NR2C1: variants seen among roughly 807,000 people sequenced by gnomAD.
NR2C1 encodes TR2 nuclear hormone receptor.
In NR2C1, 33 loss-of-function variants were observed where a neutral mutation model predicts 74.8. That is an observed-to-expected ratio of 0.44 (90% CI 0.33 to 0.59). NR2C1 has a LOEUF of 0.59. Among genes scored for constraint, NR2C1 ranks in the 20% least tolerant of loss-of-function variants. NR2C1 has a pLI of 0.02. For missense variants in NR2C1, 568 were observed against 715.6 expected, an observed-to-expected ratio of 0.79 and a Z score of 2.35; for synonymous variants, 225 against 240.6, an observed-to-expected ratio of 0.94 and a Z score of 0.60.
chr12:95,064,063 C>T (rs1385520667), intron 2 of NR2C1, among the ~76,000 whole-genome samples: 1 of 144,356 alleles, frequency 6.9e-6, no homozygotes, highest in African/African-American at 2.6e-5. Context: ...GACACAGTGG[C>T]TCATGCCTAT....
At chr12:95,022,934 C>T (rs1868934875) in intron 13 of NR2C1, among the ~76,000 whole-genome samples, 1 of 150,818 alleles carries the variant, frequency 6.6e-6, no homozygotes, top group South Asian at 2.1e-4. Flanking sequence ...CACTCTTGGG[C>T]TCAAGCAATC....
rs975108336 is a variant in NR2C1, at chr12:95,049,223, T to G, written c.976A>C (p.Thr326Pro). Residue 326 changes from threonine (T) to proline (P), a missense_variant, in exon 9 of 14, where the codon ACT (threonine) becomes CCT (proline). Physicochemically the swap from Thr to Pro is conservative, Grantham distance 38. Coordinates refer to ENST00000333003, the MANE Select transcript of NR2C1 (RefSeq NM_003297.4). ...CCAGGATTCAATGCTTTTGCAAGAG[T>G]GTCAAATGCCCTGTATGAAGACATC... The part of the protein sequence containing the change: ...TNGDVSRAFD[T>P]LAKALNPGES... 1 of 1,613,728 alleles carries G rather than the reference T, an allele frequency of 6.2e-7. No homozygotes were observed. Among genetic ancestry groups the G allele is most frequent in the East Asian group, 2.2e-5 (1 of 44,864 alleles).
At chr12:95,055,764 T>C (rs1312830650) in intron 7 of NR2C1, among the ~76,000 whole-genome samples, 6 of 151,634 alleles carry the variant, frequency 4.0e-5, no homozygotes, top group African/African-American at 1.5e-4. Flanking sequence ...CCATCCTGGC[T>C]AACATGGTGA....
At chr12:95,064,251 C>A (rs1040793821) in intron 2 of NR2C1, among the ~76,000 whole-genome samples, 1 of 150,148 alleles carries the variant, frequency 6.7e-6, no homozygotes, top group Non-Finnish European at 1.5e-5. Flanking sequence ...ATCACTTGAA[C>A]CAGGGAGGCG....
At chr12:95,062,981 T>C (rs1053099753) in intron 2 of NR2C1, 2 of 537,424 alleles carry the variant, frequency 3.7e-6, no homozygotes, top group East Asian at 6.6e-5. Flanking sequence ...CCCTCCCATG[T>C]TCCATTTAGA....
At chr12:95,028,646 C>T (rs1055971897) in intron 11 of NR2C1, 122 bp from the exon 12 acceptor site, 13 of 698,040 alleles carry the variant, frequency 1.9e-5, no homozygotes, top group Non-Finnish European at 2.9e-5. Context: ...TTTTTTGAGA[C>T]AGGGTTTTAC....
intron 10 of NR2C1, among the ~76,000 whole-genome samples, chr12:95,036,081 A>G (rs1286036860): frequency 6.6e-6 from 1 of 152,192 alleles, no homozygotes; most frequent in African/African-American, 2.4e-5. Flanking sequence ...ATTTCTCAGT[A>G]GAGACTCCTC....
In NR2C1 at chr12:95,039,903, A is replaced by G. The variant is rs141026355; in HGVS notation, c.1253+573T>C. ...CATCCTCCTGCCCTGACCTCCCAAA[A>G]TGCTGGGATTACAGGCGTTAGTTAC... On this transcript the variant is annotated intron_variant, in intron 10 of 13. Transcript: ENST00000333003. Among the ~76,000 whole-genome samples the G allele has an allele frequency of 1.3e-3, 195 of 152,244 alleles. 3 individuals are homozygous for G. The highest frequency in any genetic ancestry group is 5.2e-3 in the South Asian group (25 of 4,818).
At chr12:95,048,988 A>G in intron 9 of NR2C1, 80 bp downstream of exon 9, 4 of 1,316,008 alleles carry the variant, frequency 3.0e-6, no homozygotes, top group Non-Finnish European at 4.3e-6. Context: ...TAAAAGCACA[A>G]CAAACATACT....
At chr12:95,022,518 A>G in intron 13 of NR2C1, 115 bp from the exon 14 acceptor site, 1 of 887,938 alleles carries the variant, frequency 1.1e-6, no homozygotes, top group Non-Finnish European at 1.8e-6. Flanking sequence ...TAGCATTTTC[A>G]AAAGTTAAAA....
intron 3 of NR2C1, among the ~76,000 whole-genome samples, chr12:95,061,841 A>T (rs1449938907): frequency 2.0e-5 from 3 of 152,200 alleles, no homozygotes; most frequent in African/African-American, 7.2e-5. Flanking sequence ...TGGTGTATAA[A>T]AGTTTTTGAG....
chr12:95,048,622 G>GTTTTTTTTT (rs899683567), intron 9 of NR2C1, among the ~76,000 whole-genome samples: 2 of 130,526 alleles, frequency 1.5e-5, no homozygotes, highest in African/African-American at 5.5e-5. Context: ...ATGCAGATGA[G>GTTTTTTTTT]TTTTTTTTTT....
At chr12:95,060,127 T>A in intron 3 of NR2C1, 143 bp from the exon 4 acceptor site, 1 of 688,000 alleles carries the variant, frequency 1.5e-6, no homozygotes. Context: ...TTAAACTTTG[T>A]ACTCTATGAA....
chr12:95,040,617 A>G lies in NR2C1; in HGVS notation c.1132-20T>C. 1.3e-6 allele frequency: 2 copies of G among 1,573,902 alleles called. No homozygotes were observed. The highest frequency in any genetic ancestry group is 2.3e-5 in the East Asian group (1 of 44,146). ...GGTGAGCTAGTATGAACAGGGATTT[A>G]GGTAAATTATCTTATGACTGAAAAG... is the stretch of plus-strand genomic sequence containing the variant. On this transcript the variant is annotated intron_variant, in intron 9 of 13. Coordinates refer to ENST00000333003, the MANE Select transcript of NR2C1 (RefSeq NM_003297.4).
At chr12:95,062,804 C>G in intron 2 of NR2C1, 66 bp from the exon 3 acceptor site, 1 of 1,211,072 alleles carries the variant, frequency 8.3e-7, no homozygotes, top group Admixed American at 1.8e-5. Context: ...CAATTATCTT[C>G]TTAGAAAAGC....
intron 7 of NR2C1, among the ~76,000 whole-genome samples, chr12:95,054,347 G>A (rs768248934): frequency 2.7e-5 from 4 of 149,230 alleles, no homozygotes; most frequent in Non-Finnish European, 5.9e-5. Context: ...CACTCCTATC[G>A]CCTAGACTGG....
rs1257692820 is a variant in NR2C1 at position 95,051,817 on chromosome 12, C to G, written c.910G>C (p.Asp304His). ...EMSMIESLSN[D>H]DTSLCEFQEM... ...TGAAATTCACACAAAGAGGTATCAT[C>G]ATTGCTTAAGCTTTCAATCATAGAC... is the stretch of plus-strand genomic sequence containing the variant. Residue 304 changes from aspartate to histidine, a missense_variant, in exon 8 of 14, where the codon GAT (aspartate) becomes CAT (histidine). This residue lies in a region of NR2C1 where 239 missense variants were observed against 232.3 expected (regional missense o/e 1.03). Coordinates refer to ENST00000333003, the MANE Select transcript of NR2C1 (RefSeq NM_003297.4). 2 of 1,608,864 alleles carry G rather than the reference C, an allele frequency of 1.2e-6. No individual in the cohort carries two copies. The highest frequency in any genetic ancestry group is 2.2e-5 in the East Asian group (1 of 44,786).
At chr12:95,032,131 G>A (rs946734189) in intron 10 of NR2C1, among the ~76,000 whole-genome samples, 2 of 152,230 alleles carry the variant, frequency 1.3e-5, no homozygotes, top group African/African-American at 4.8e-5. Flanking sequence ...GCCTCCCAAA[G>A]TGTTGGGATT....
rs1300718435 is a variant in NR2C1 at position 95,057,901 on chromosome 12, T to G, written c.545-23A>C. ...CAGCTACAAAAATGTGTTAAACTAT[T>G]ATATCACAATATAGGATTTACAGAC... On this transcript the variant is annotated intron_variant, in intron 5 of 13. Transcript: ENST00000333003. 1.7e-5 allele frequency: 27 copies of G among 1,588,328 alleles called. No individual in the cohort carries two copies. In the Admixed American group the frequency reaches 4.5e-4, roughly 27 times the overall value.
Sources: allele counts gnomAD v4.1 joint callset (sites outside exome capture counted in the v4.1 genomes callset), GRCh38; gene constraint gnomAD v4.1.1; regional missense constraint gnomAD v4.1.1; transcripts MANE v1.5; gene names NCBI Gene and HGNC (gene_info 2026-07-23, HGNC 2026-07-21).